The following PLEKHG1 variants were observed in gnomAD, a reference collection of about 807,000 sequenced individuals.
PLEKHG1 encodes the protein pleckstrin homology and RhoGEF domain containing G1.
Under a neutral mutation model 100.8 loss-of-function variants are expected in PLEKHG1, and 44 were observed. That is an observed-to-expected ratio of 0.44 (90% CI 0.34 to 0.56). PLEKHG1 has a LOEUF of 0.56. Among genes scored for constraint, PLEKHG1 ranks in the 20% least tolerant of loss-of-function variants. The pLI is 0.01. For synonymous variants in PLEKHG1, 640 were observed against 662.5 expected, an observed-to-expected ratio of 0.97 and a Z score of 0.52; for missense variants, 1,545 against 1,720.9, an observed-to-expected ratio of 0.90 and a Z score of 1.81.
At chr6:150,627,463 A>G (rs1320965071) in intron 1 of PLEKHG1, among the ~76,000 whole-genome samples, 1 of 152,156 alleles carries the variant, frequency 6.6e-6, no homozygotes, top group South Asian at 2.1e-4. Flanking sequence ...GCAGATCCCA[A>G]GGGTGAAGAG....
intron 3 of PLEKHG1, among the ~76,000 whole-genome samples, chr6:150,675,171 T>C (rs1202506726): frequency 6.6e-6 from 1 of 152,220 alleles, no homozygotes; most frequent in African/African-American, 2.4e-5. Flanking sequence ...GTTCTTTGCA[T>C]GAACACGATC....
intron 3 of PLEKHG1, among the ~76,000 whole-genome samples, chr6:150,677,879 A>G (rs1419838148): frequency 6.6e-6 from 1 of 151,780 alleles, no homozygotes; most frequent in Non-Finnish European, 1.5e-5. Flanking sequence ...CCTGTCTCCA[A>G]AATAAATAAA....
At chr6:150,673,922 C>G (rs528813819) in intron 3 of PLEKHG1, among the ~76,000 whole-genome samples, 2 of 152,180 alleles carry the variant, frequency 1.3e-5, no homozygotes, top group African/African-American at 2.4e-5. Flanking sequence ...AACTTGGCCT[C>G]CCGAAGTGCT....
upstream of PLEKHG1, among the ~76,000 whole-genome samples, chr6:150,717,528 T>C (rs1781490393): frequency 6.6e-6 from 1 of 152,196 alleles, no homozygotes; most frequent in South Asian, 2.1e-4. Flanking sequence ...CTTCCTTCAA[T>C]TAGGCCAGAA....
chr6:150,697,635 G>T (rs1354162219), intron 3 of PLEKHG1, among the ~76,000 whole-genome samples: 1 of 152,196 alleles, frequency 6.6e-6, no homozygotes, highest in Non-Finnish European at 1.5e-5. Flanking sequence ...CCCAGCAGGG[G>T]CATCAGCTTT....
chr6:150,720,670 T>C (rs1263344529), upstream of PLEKHG1, among the ~76,000 whole-genome samples: 1 of 152,068 alleles, frequency 6.6e-6, no homozygotes, highest in Non-Finnish European at 1.5e-5. Flanking sequence ...GTCCGTTTAC[T>C]TTGAAAGTGA....
intron 2 of PLEKHG1, among the ~76,000 whole-genome samples, chr6:150,747,642 C>T (rs1783235757): frequency 6.6e-6 from 1 of 152,168 alleles, no homozygotes; most frequent in South Asian, 2.1e-4. Flanking sequence ...CCTCTGTAAC[C>T]TCAGCACTTT....
intron 3 of PLEKHG1, among the ~76,000 whole-genome samples, chr6:150,712,022 G>A (rs968860559): frequency 2.0e-5 from 3 of 152,234 alleles, no homozygotes; most frequent in Non-Finnish European, 2.9e-5. Context: ...TGCATCAGCC[G>A]GGGACCTGGC....
chr6:150,834,369 C>T (rs1005029069), intron 15 of PLEKHG1, among the ~76,000 whole-genome samples: 1 of 152,122 alleles, frequency 6.6e-6, no homozygotes, highest in African/African-American at 2.4e-5. Flanking sequence ...CAATTGCAAG[C>T]ACTGACTAAG....
At chr6:150,644,396 G>A (rs1260956611) in intron 2 of PLEKHG1, among the ~76,000 whole-genome samples, 10 of 141,692 alleles carry the variant, frequency 7.1e-5, no homozygotes, top group African/African-American at 1.9e-4. Flanking sequence ...GTGCAGTGGC[G>A]CAATCTTGGC....
chr6:150,647,322 A>G (rs1226051012), intron 2 of PLEKHG1, among the ~76,000 whole-genome samples: 2 of 152,200 alleles, frequency 1.3e-5, no homozygotes, highest in Non-Finnish European at 2.9e-5. Flanking sequence ...TCATTCTGGA[A>G]TAATACAGTT....
intron 3 of PLEKHG1, among the ~76,000 whole-genome samples, chr6:150,668,473 G>A (rs1329052481): frequency 6.6e-6 from 1 of 152,140 alleles, no homozygotes; most frequent in African/African-American, 2.4e-5. Context: ...GTCCATTTGA[G>A]AAAGTGTACT....
chr6:150,774,506 T>C lies in PLEKHG1; in HGVS notation c.512+5768T>C, dbSNP rs113996611. 6.1e-3 allele frequency among the ~76,000 whole-genome samples: 925 copies of C among 151,600 alleles called. 13 individuals carry two copies. Among genetic ancestry groups the C allele is most frequent in the African/African-American group, 0.021 (886 of 41,322 alleles). ...AACCCTACCCAGTCACAATGTTTTG[T>C]CTATTTAGGCACTGATTAGTTTGAA... is the stretch of plus-strand genomic sequence containing the variant. On this transcript the variant is annotated intron_variant, in intron 3 of 15. Coordinates refer to ENST00000358517, the Ensembl canonical transcript of PLEKHG1.
At chr6:150,680,617 A>C (rs1461049186) in intron 3 of PLEKHG1, among the ~76,000 whole-genome samples, 1 of 152,238 alleles carries the variant, frequency 6.6e-6, no homozygotes, top group African/African-American at 2.4e-5. Flanking sequence ...CATGGTCCCC[A>C]AAGCGGGACA....
At chr6:150,609,704 A>C (rs1431597435) in intron 1 of PLEKHG1, among the ~76,000 whole-genome samples, 1 of 152,204 alleles carries the variant, frequency 6.6e-6, no homozygotes, top group Non-Finnish European at 1.5e-5. Flanking sequence ...GTAGGAAAAG[A>C]GCTGTCATGG....
intron 10 of PLEKHG1, among the ~76,000 whole-genome samples, chr6:150,813,317 A>AC (rs1305039492): frequency 6.6e-6 from 1 of 151,534 alleles, no homozygotes; most frequent in Non-Finnish European, 1.5e-5. Flanking sequence ...AAAAAAAAAA[A>AC]AACAAAATGG....
intron 10 of PLEKHG1, among the ~76,000 whole-genome samples, chr6:150,815,836 G>A (rs931125328): frequency 6.6e-6 from 1 of 152,160 alleles, no homozygotes; most frequent in African/African-American, 2.4e-5. Context: ...CTTAAAAAAT[G>A]AAAATAACTT....
intron 3 of PLEKHG1, among the ~76,000 whole-genome samples, chr6:150,690,511 A>T (rs1038694602): frequency 3.9e-5 from 6 of 152,212 alleles, no homozygotes; most frequent in African/African-American, 1.4e-4. Flanking sequence ...TCCAAATATC[A>T]AATGTAACTA....
At chr6:150,762,106 C>T (rs1322610306) in intron 2 of PLEKHG1, among the ~76,000 whole-genome samples, 1 of 152,178 alleles carries the variant, frequency 6.6e-6, no homozygotes, top group Non-Finnish European at 1.5e-5. Context: ...CATCTCAGAG[C>T]CGTTAACAGA....
Sources: allele counts gnomAD v4.1 joint callset (sites outside exome capture counted in the v4.1 genomes callset), GRCh38; gene constraint gnomAD v4.1.1; transcripts MANE v1.5; gene names NCBI Gene and HGNC (gene_info 2026-07-23, HGNC 2026-07-21).